Variants in SERPINB8 observed in about 807,000 individuals in gnomAD.
SERPINB8 encodes serpin family B member 8, also known as serpin B8.
Under a neutral mutation model 35.3 loss-of-function variants are expected in SERPINB8, and 25 were observed. The ratio of observed to expected loss-of-function variants is 0.71; its 90% CI spans 0.52 to 0.99. The LOEUF (loss-of-function observed/expected upper bound fraction) is 0.99. Among genes scored for constraint, SERPINB8 ranks in the 50% least tolerant of loss-of-function variants. SERPINB8 has a pLI of 0.00. For synonymous variants in SERPINB8, 186 were observed against 160.8 expected, an observed-to-expected ratio of 1.16 and a Z score of -1.19; for missense variants, 484 against 446.5, an observed-to-expected ratio of 1.08 and a Z score of -0.76.
intron 1 of SERPINB8, among the ~76,000 whole-genome samples, chr18:64,003,003 G>A (rs2050883360): frequency 6.6e-6 from 1 of 152,196 alleles, no homozygotes. Flanking sequence ...GGAGTCCTGC[G>A]TTCTTGGCCG....
chr18:63,975,682 T>C (rs1476090638), intron 1 of SERPINB8, among the ~76,000 whole-genome samples: 2 of 152,252 alleles, frequency 1.3e-5, no homozygotes, highest in African/African-American at 4.8e-5. Flanking sequence ...GTTCTATATT[T>C]AGAGTGTTGC....
intron 1 of SERPINB8, among the ~76,000 whole-genome samples, chr18:63,971,750 T>A (rs553471160): frequency 3.3e-5 from 5 of 152,338 alleles, no homozygotes; most frequent in Admixed American, 2.6e-4. Context: ...ATGAGACGTT[T>A]GTTTAAAAAC....
At chr18:64,018,287 T>C (rs988638397) in intron 7 of SERPINB8, among the ~76,000 whole-genome samples, 2 of 152,198 alleles carry the variant, frequency 1.3e-5, no homozygotes, top group African/African-American at 4.8e-5. Context: ...TCTTCTGTAA[T>C]TAAAAATAAA....
At chr18:63,996,367 CAGT>C (rs1376463502) in intron 1 of SERPINB8, among the ~76,000 whole-genome samples, 3 of 152,124 alleles carry the variant, frequency 2.0e-5, no homozygotes, top group Non-Finnish European at 4.4e-5. Flanking sequence ...TTTGCATTGG[CAGT>C]ATCTGACATT....
intron 1 of SERPINB8, among the ~76,000 whole-genome samples, chr18:63,971,094 C>T (rs1354238574): frequency 6.6e-6 from 1 of 152,148 alleles, no homozygotes; most frequent in Non-Finnish European, 1.5e-5. Context: ...TGGGTCCACT[C>T]GCAGGGGCAG....
At chr18:64,009,043 G>T (rs1049341579), downstream of SERPINB8, among the ~76,000 whole-genome samples, 1 of 152,098 alleles carries the variant, frequency 6.6e-6, no homozygotes, top group African/African-American at 2.4e-5. Flanking sequence ...AGAGCAATTT[G>T]CATTTTTATG....
At position 63,981,769 on chromosome 18, in the gene SERPINB8, T is replaced by C. The variant is rs202188705; in HGVS notation, c.355T>C (p.Leu119=). 1.2e-6 allele frequency: 2 copies of C among 1,613,548 alleles called. No individual in the cohort carries two copies. Among genetic ancestry groups the C allele is most frequent in the East Asian group, 2.2e-5 (1 of 44,880 alleles). ...GTTCTATCAGGCAGAGCTGGAGGAG[T>C]TGTCCTTTGCTGAAGACACTGAAGA... ...QKFYQAELEE[L]SFAEDTEECR... is the part of the protein sequence containing the mutation. The change falls in exon 4 of 7, where the codon TTG becomes CTG. Residue 119 remains leucine (L), a synonymous_variant. Coordinates refer to ENST00000397985, the MANE Select transcript of SERPINB8 (RefSeq NM_002640.4).
rs894241681 is a variant in SERPINB8 at position 63,985,099 on chromosome 18, A to G, written c.574A>G (p.Lys192Glu). 2 of 1,612,966 alleles carry G rather than the reference A, an allele frequency of 1.2e-6. No homozygotes were observed. Among genetic ancestry groups the G allele is most frequent in the South Asian group, 2.2e-5 (2 of 90,878 alleles). Residue 192 changes from lysine to glutamate, a missense_variant, in exon 6 of 7, where the codon AAG becomes GAG. By Grantham distance (56) the Lys-to-Glu change is moderately conservative. Transcript: ENST00000397985. The part of the protein sequence containing the change: ...GMLFKTNEEK[K>E]TVQMMFKEAK... ...ACTTTAATTTTTCCGTTAGGAAAAA[A>G]AGACAGTGCAGATGATGTTTAAGGA...
chr18:63,986,773 A>C, intron 6 of SERPINB8, 101 bp from the exon 7 acceptor site: 2 of 1,390,858 alleles, frequency 1.4e-6, no homozygotes, highest in Non-Finnish European at 1.9e-6. Context: ...ACCAGAACTC[A>C]CCATCTAATT....
chr18:63,979,289 A>T (rs2050631725), intron 2 of SERPINB8, among the ~76,000 whole-genome samples: 1 of 152,238 alleles, frequency 6.6e-6, no homozygotes, highest in African/African-American at 2.4e-5. Context: ...GAACTTCTGT[A>T]AAATTGCAGA....
At chr18:64,009,095 C>T (rs1206170330), downstream of SERPINB8, among the ~76,000 whole-genome samples, 1 of 152,112 alleles carries the variant, frequency 6.6e-6, no homozygotes, top group African/African-American at 2.4e-5. Flanking sequence ...TAAATTTGCA[C>T]TAGCTCAAAA....
Position 63,978,405 on chromosome 18 carries a change from A to G in SERPINB8, c.97A>G (p.Met33Val). The G allele has an allele frequency of 6.2e-7, 1 of 1,614,236 alleles. No individual in the cohort carries two copies. Among genetic ancestry groups the G allele is most frequent in the South Asian group, 1.1e-5 (1 of 91,090 alleles). Residue 33 changes from methionine (M) to valine (V), a missense_variant, in exon 2 of 7, where the codon ATG becomes GTG. Transcript: ENST00000397985. ...DNSRNVFFSP[M>V]SISSALAMVF... ...CTCAAGAAACGTATTCTTCTCTCCC[A>G]TGAGCATCTCCTCTGCCCTGGCCAT... is the stretch of plus-strand genomic sequence containing the variant.
intron 6 of SERPINB8, chr18:63,986,280 A>G: frequency 6.2e-7 from 1 of 1,610,516 alleles, no homozygotes; most frequent in South Asian, 1.1e-5. Flanking sequence ...ATCTTGAAGA[A>G]TTTGAAGCTA....
intron 7 of SERPINB8, among the ~76,000 whole-genome samples, chr18:64,015,005 T>C (rs1394978729): frequency 6.6e-6 from 1 of 152,220 alleles, no homozygotes; most frequent in Non-Finnish European, 1.5e-5. Context: ...CTATAATGTT[T>C]AATTCTGTAG....
chr18:63,996,022 C>A (rs1033697131), intron 1 of SERPINB8, among the ~76,000 whole-genome samples: 1 of 152,012 alleles, frequency 6.6e-6, no homozygotes, highest in Non-Finnish European at 1.5e-5. Context: ...GGTGAGGGGT[C>A]GGGTTTCTCA....
chr18:63,991,734 T>C (rs1376972095), downstream of SERPINB8, among the ~76,000 whole-genome samples: 2 of 152,150 alleles, frequency 1.3e-5, no homozygotes, highest in Non-Finnish European at 2.9e-5. Context: ...GACATCCTTG[T>C]CTGGTTCCTG....
chr18:63,981,867 G>A, intron 4 of SERPINB8, 29 bp downstream of exon 4: 2 of 1,492,926 alleles, frequency 1.3e-6, no homozygotes, highest in Non-Finnish European at 1.9e-6. Context: ...TGTTGATTTG[G>A]AATTACTATA....
intron 4 of SERPINB8, 62 bp downstream of exon 4, chr18:63,981,900 G>A (rs1172511905): frequency 2.5e-6 from 3 of 1,210,960 alleles, no homozygotes; most frequent in Non-Finnish European, 1.2e-6. Context: ...GATTGACTGG[G>A]ATGGGACTTC....
At chr18:64,011,258 G>A (rs1194650982) in intron 7 of SERPINB8, among the ~76,000 whole-genome samples, 2 of 151,966 alleles carry the variant, frequency 1.3e-5, no homozygotes, top group Non-Finnish European at 2.9e-5. Context: ...AGGCAAAGAT[G>A]TATCAAGTAA....
Sources: gnomAD v4.1 joint callset for allele counts (sites outside exome capture counted in the v4.1 genomes callset) on GRCh38, gnomAD v4.1.1 for gene constraint, MANE v1.5 for transcripts, NCBI Gene and HGNC (gene_info 2026-07-23, HGNC 2026-07-21) for gene names.